PAX5: variants seen among roughly 807,000 people sequenced by gnomAD.
PAX5 encodes paired box 5.
In PAX5, 9 loss-of-function variants were observed where a neutral mutation model predicts 43.7. That is an observed-to-expected ratio of 0.21 (90% CI 0.12 to 0.36). PAX5 has a LOEUF of 0.36. Among genes scored for constraint, PAX5 ranks in the 10% least tolerant of loss-of-function variants. PAX5 has a pLI of 1.00. For missense variants in PAX5, 383 were observed against 532.7 expected (o/e 0.72, Z 2.77); for synonymous variants, 228 against 214.3 (o/e 1.06, Z -0.56).
chr9:37,001,968 T>C (rs973003873), intron 5 of PAX5, among the ~76,000 whole-genome samples: 6 of 151,496 alleles, frequency 4.0e-5, no homozygotes, highest in Non-Finnish European at 5.9e-5. Flanking sequence ...AGGATGGAGG[T>C]GGCTGGCTCT....
At chr9:36,873,350 G>A (rs930266127) in intron 8 of PAX5, among the ~76,000 whole-genome samples, 1 of 152,248 alleles carries the variant, frequency 6.6e-6, no homozygotes, top group East Asian at 1.9e-4. Flanking sequence ...CTTAGGAAAT[G>A]TATGGAGAAT....
At chr9:37,014,827 G>A (rs1360652160) in intron 3 of PAX5, among the ~76,000 whole-genome samples, 170 bp downstream of exon 3, 3 of 152,144 alleles carry the variant, frequency 2.0e-5, no homozygotes, top group Non-Finnish European at 2.9e-5. Flanking sequence ...GGAAAGAAGA[G>A]AAGGGTAACA....
At chr9:36,973,035 AAAAG>A (rs1156774357) in intron 5 of PAX5, among the ~76,000 whole-genome samples, 1 of 150,280 alleles carries the variant, frequency 6.7e-6, no homozygotes, top group Non-Finnish European at 1.5e-5. Flanking sequence ...CTCAAAAAAA[AAAAG>A]AAGAAAGAAA....
chr9:36,959,664 T>G (rs1436268057), intron 6 of PAX5, among the ~76,000 whole-genome samples: 1 of 152,228 alleles, frequency 6.6e-6, no homozygotes, highest in Non-Finnish European at 1.5e-5. Flanking sequence ...CTGGTTCATG[T>G]GGCCGTGCTA....
At chr9:36,959,893 C>G (rs928361226) in intron 6 of PAX5, among the ~76,000 whole-genome samples, 6 of 152,246 alleles carry the variant, frequency 3.9e-5, no homozygotes, top group African/African-American at 1.2e-4. Flanking sequence ...GTACTCATCT[C>G]ACCAAGCCTC....
chr9:37,019,207 T>G (rs575655754), intron 2 of PAX5, among the ~76,000 whole-genome samples: 2 of 152,274 alleles, frequency 1.3e-5, no homozygotes, highest in East Asian at 3.9e-4. Flanking sequence ...TCTTTTCTCT[T>G]TGTCTTCTTT....
intron 5 of PAX5, among the ~76,000 whole-genome samples, chr9:36,972,425 T>C (rs116069628): frequency 0.013 from 2,052 of 152,356 alleles, 45 homozygotes; most frequent in African/African-American, 0.047. Context: ...GTAGCTGAGT[T>C]GGTCATTTCT....
intron 7 of PAX5, among the ~76,000 whole-genome samples, chr9:36,894,966 G>A (rs142523578): frequency 1.1e-4 from 17 of 152,288 alleles, no homozygotes; most frequent in Admixed American, 8.5e-4. Context: ...TCCTTTCCTC[G>A]TCTAAGGGAG....
chr9:37,005,384 T>G (rs909680819), intron 4 of PAX5, among the ~76,000 whole-genome samples: 4 of 152,266 alleles, frequency 2.6e-5, no homozygotes, highest in African/African-American at 9.6e-5. Context: ...AAGGGATTAC[T>G]AAATGAGGAA....
At chr9:36,939,266 A>C (rs560801902) in intron 6 of PAX5, among the ~76,000 whole-genome samples, 158 of 152,332 alleles carry the variant, frequency 1.0e-3, no homozygotes, top group Non-Finnish European at 1.9e-3. Context: ...TTTACTGCTC[A>C]GTATGGGCTG....
At chr9:36,854,865 G>A (rs1823508544) in intron 8 of PAX5, among the ~76,000 whole-genome samples, 1 of 152,236 alleles carries the variant, frequency 6.6e-6, no homozygotes, top group South Asian at 2.1e-4. Context: ...GGGGCAGAAT[G>A]CACAATGTGT....
chr9:36,979,682 G>A (rs768238545), intron 5 of PAX5, among the ~76,000 whole-genome samples: 9 of 152,190 alleles, frequency 5.9e-5, no homozygotes, highest in Non-Finnish European at 1.3e-4. Flanking sequence ...GGCCAGGTGA[G>A]ACTGAGAGCC....
In PAX5 at chr9:36,872,701, G is replaced by A. The variant is rs190119260; in HGVS notation, c.1012+9303C>T. ...TCTCCTCACTCCCAGCATCACTTCCGTGCAGGGTTCCTGGAGCTTTAGTCA... is the reference window on the plus strand; with the variant it reads ...TCTCCTCACTCCCAGCATCACTTCCATGCAGGGTTCCTGGAGCTTTAGTCA... On this transcript the variant is annotated intron_variant, in intron 8 of 9. Coordinates refer to ENST00000358127, the MANE Select transcript of PAX5 (RefSeq NM_016734.3). Among the ~76,000 whole-genome samples the A allele has an allele frequency of 1.2e-4, 18 of 152,242 alleles. No homozygotes were observed. In the East Asian group the frequency reaches 2.9e-3, roughly 24 times the overall value.
At chr9:36,880,642 A>G (rs531502153) in intron 8 of PAX5, among the ~76,000 whole-genome samples, 1 of 152,342 alleles carries the variant, frequency 6.6e-6, no homozygotes, top group East Asian at 1.9e-4. Flanking sequence ...GGCTCACTGT[A>G]ACCTCTGCTT....
chr9:36,887,168 C>G (rs1826971384), intron 7 of PAX5, among the ~76,000 whole-genome samples: 1 of 152,176 alleles, frequency 6.6e-6, no homozygotes, highest in Admixed American at 6.5e-5. Flanking sequence ...AAAAATGTTT[C>G]CCCTCGAGGG....
intron 7 of PAX5, among the ~76,000 whole-genome samples, chr9:36,883,461 C>A (rs901935048): frequency 1.8e-4 from 28 of 152,104 alleles, no homozygotes; most frequent in Admixed American, 3.3e-4. Context: ...GTCAGGAGTT[C>A]AAGACCAGCC....
At chr9:36,887,842 C>T (rs1237287574) in intron 7 of PAX5, among the ~76,000 whole-genome samples, 1 of 151,982 alleles carries the variant, frequency 6.6e-6, no homozygotes, top group African/African-American at 2.4e-5. Flanking sequence ...AAAAAATGAC[C>T]CATAGAATGG....
intron 5 of PAX5, among the ~76,000 whole-genome samples, chr9:36,973,130 G>GAAAGA (rs1207437736): frequency 2.4e-5 from 2 of 81,940 alleles, no homozygotes; most frequent in African/African-American, 1.3e-4. Context: ...GAAAGGAAAG[G>GAAAGA]AAAGAAAAGG....
rs150289422 is a variant in PAX5 at position 36,985,695 on chromosome 9, G to A, written c.604+16953C>T. Among the ~76,000 whole-genome samples the A allele has an allele frequency of 5.1e-3, 779 of 152,276 alleles. 1 individual carries two copies. Among genetic ancestry groups the A allele is most frequent in the Non-Finnish European group, 8.4e-3 (574 of 68,006 alleles). ...CACAGAGCATGGGGATACACACAGG[G>A]GACAGAGATGGAAGGAAGGCCTTCC... is the stretch of plus-strand genomic sequence containing the variant. On this transcript the variant is annotated intron_variant, in intron 5 of 9. Transcript: ENST00000358127.
Sources: gnomAD v4.1 joint callset for allele counts (sites outside exome capture counted in the v4.1 genomes callset) on GRCh38, gnomAD v4.1.1 for gene constraint, MANE v1.5 for transcripts, NCBI Gene and HGNC (gene_info 2026-07-23, HGNC 2026-07-21) for gene names.